Variants in ERI3 observed in about 807,000 individuals in gnomAD.
The protein encoded by ERI3 is ERI1 exoribonuclease family member 3.
A neutral mutation model predicts 44.4 loss-of-function variants in ERI3; 18 were observed. The ratio of observed to expected loss-of-function variants is 0.41; its 90% confidence interval spans 0.28 to 0.60. The LOEUF (loss-of-function observed/expected upper bound fraction) is 0.60. Among genes scored for constraint, ERI3 ranks in the 20% least tolerant of loss-of-function variants. The pLI, the probability that ERI3 is intolerant of heterozygous loss-of-function variation, is 0.36. For missense variants in ERI3, 294 were observed against 435.5 expected, an observed-to-expected ratio of 0.68 and a Z score of 2.89; for synonymous variants, 183 against 164.8, an observed-to-expected ratio of 1.11 and a Z score of -0.84.
intron 7 of ERI3, among the ~76,000 whole-genome samples, chr1:44,276,195 C>T (rs907929717): frequency 6.6e-6 from 1 of 152,216 alleles, no homozygotes; most frequent in African/African-American, 2.4e-5. Flanking sequence ...CAGACACCTC[C>T]CATTTGGTCC....
intron 6 of ERI3, among the ~76,000 whole-genome samples, chr1:44,304,476 T>C (rs1304578160): frequency 2.0e-5 from 3 of 152,108 alleles, no homozygotes; most frequent in Non-Finnish European, 2.9e-5. Flanking sequence ...ATAAAGATGA[T>C]TTCAAGAAGA....
chr1:44,316,363 A>C (rs1646088342), intron 4 of ERI3, among the ~76,000 whole-genome samples: 1 of 152,160 alleles, frequency 6.6e-6, no homozygotes, highest in Non-Finnish European at 1.5e-5. Context: ...ATTACAGATT[A>C]ACTCCCACTT....
chr1:44,275,406 C>A (rs1381780149), intron 7 of ERI3, among the ~76,000 whole-genome samples: 1 of 152,174 alleles, frequency 6.6e-6, no homozygotes, highest in Non-Finnish European at 1.5e-5. Context: ...GCTATGGCCC[C>A]CAGCAAAGAA....
chr1:44,288,916 A>G (rs2354122), intron 6 of ERI3, among the ~76,000 whole-genome samples: 38,151 of 152,016 alleles, frequency 0.25, 5,252 homozygotes, highest in South Asian at 0.42. Context: ...TGTGATTCCA[A>G]GAAAAGAGCC....
chr1:44,352,739 G>T, intron 2 of ERI3, 111 bp downstream of exon 2: 1 of 1,137,974 alleles, frequency 8.8e-7, no homozygotes. Context: ...TAGACTTTGG[G>T]GATACATGGG....
At chr1:44,267,409 T>C (rs1645010489) in intron 7 of ERI3, among the ~76,000 whole-genome samples, 1 of 152,144 alleles carries the variant, frequency 6.6e-6, no homozygotes, top group Admixed American at 6.5e-5. Context: ...CTCCTTCTTC[T>C]TCCCTCCCTT....
intron 7 of ERI3, among the ~76,000 whole-genome samples, chr1:44,275,496 G>C (rs978449275): frequency 6.6e-6 from 1 of 152,174 alleles, no homozygotes; most frequent in Non-Finnish European, 1.5e-5. Context: ...ATGCTCCAAG[G>C]TCAGGAAAAG....
At chr1:44,249,783 G>A (rs930574596) in intron 7 of ERI3, among the ~76,000 whole-genome samples, 5 of 152,158 alleles carry the variant, frequency 3.3e-5, no homozygotes, top group Non-Finnish European at 1.5e-5. Flanking sequence ...CGCTGAGCCT[G>A]GTCAGGGCTG....
rs74664981 is a variant in ERI3 at position 44,313,985 on chromosome 1, T to TAA, written c.607-759_607-758dup. On this transcript the variant is annotated intron_variant, in intron 4 of 8. Transcript: ENST00000372257. ...TGCTTTGTTTTGGTTTGGTTTAAAG[T>TAA]AAAAAAAAAAAAAGACTGGGGATAG... 1.2e-4 allele frequency among the ~76,000 whole-genome samples: 16 copies of TAA among 138,050 alleles called. 1 individual carries two copies. In the South Asian group the frequency reaches 1.4e-3, roughly 12 times the overall value. The allele number at this position is 138,050 out of a possible 152,430, so 90.6% of individuals were successfully genotyped here. A position where few individuals can be genotyped will look rare whatever the true frequency, so the allele number is the denominator to read the frequency against.
chr1:44,237,148 G>A (rs570789815), intron 8 of ERI3, among the ~76,000 whole-genome samples: 3 of 152,208 alleles, frequency 2.0e-5, no homozygotes, highest in South Asian at 4.1e-4. Flanking sequence ...GGAAGAACAG[G>A]GCTGGATCTG....
At chr1:44,230,635 G>A (rs1023513184) in intron 8 of ERI3, among the ~76,000 whole-genome samples, 1 of 152,166 alleles carries the variant, frequency 6.6e-6, no homozygotes. Flanking sequence ...CCTGTGACCC[G>A]GCCCCAGACC....
chr1:44,321,432 G>C (rs1175178037), intron 3 of ERI3, among the ~76,000 whole-genome samples: 1 of 152,058 alleles, frequency 6.6e-6, no homozygotes, highest in Non-Finnish European at 1.5e-5. Context: ...TGAAGAGAGG[G>C]GGACACTCAT....
intron 3 of ERI3, among the ~76,000 whole-genome samples, chr1:44,323,229 T>C (rs892558726): frequency 1.2e-4 from 19 of 152,230 alleles, no homozygotes; most frequent in African/African-American, 4.1e-4. Context: ...TTGTGTAGGC[T>C]ATCAGACAGG....
chr1:44,242,578 G>T (rs1167730083), intron 8 of ERI3, among the ~76,000 whole-genome samples: 1 of 152,200 alleles, frequency 6.6e-6, no homozygotes, highest in Admixed American at 6.5e-5. Context: ...TGGGAAGCAA[G>T]AACCCTCTGC....
In ERI3 at chr1:44,355,107, G is replaced by A. The variant is rs1225992990; in HGVS notation, c.-81C>T. On this transcript the variant is annotated 5_prime_UTR_variant, in exon 1 of 9. Coordinates refer to ENST00000372257, the MANE Select transcript of ERI3 (RefSeq NM_024066.3). The stretch of plus-strand genomic sequence containing the variant: ...GACGTCTCCCTCGGCCTCAGCAAGC[G>A]CTCAGGGCAGTTGGCGGCGGCGGGC... 1.7e-5 allele frequency: 21 copies of A among 1,247,576 alleles called. No homozygotes were observed. The allele number at this position is 1,247,576 out of a possible 1,614,324, so 77.3% of individuals were successfully genotyped here. A position where few individuals can be genotyped will look rare whatever the true frequency, so the allele number is the denominator to read the frequency against.
intron 5 of ERI3, among the ~76,000 whole-genome samples, chr1:44,309,973 G>A (rs1245683748): frequency 1.3e-5 from 2 of 152,162 alleles, no homozygotes; most frequent in Non-Finnish European, 2.9e-5. Context: ...TATCCTGGCT[G>A]TGTCACTGAT....
At chr1:44,237,466 CAGTT>C (rs1408853341) in intron 8 of ERI3, among the ~76,000 whole-genome samples, 2 of 152,322 alleles carry the variant, frequency 1.3e-5, no homozygotes, top group Middle Eastern at 3.4e-3. Context: ...GTGAGCCTGA[CAGTT>C]AGAGGCCAGC....
chr1:44,320,080 G>A (rs1646167841), intron 3 of ERI3, among the ~76,000 whole-genome samples: 1 of 152,088 alleles, frequency 6.6e-6, no homozygotes, highest in Admixed American at 6.5e-5. Context: ...CTAAGAATAC[G>A]CCCTTCTTTC....
chr1:44,255,851 C>G (rs1008573710), intron 7 of ERI3, among the ~76,000 whole-genome samples: 14 of 152,176 alleles, frequency 9.2e-5, no homozygotes, highest in African/African-American at 3.4e-4. Context: ...TGCCTTCAAG[C>G]CTTTGATGAA....
Sources: allele counts gnomAD v4.1 joint callset (sites outside exome capture counted in the v4.1 genomes callset), GRCh38; gene constraint gnomAD v4.1.1; transcripts MANE v1.5; gene names NCBI Gene and HGNC (gene_info 2026-07-23, HGNC 2026-07-21).